Variants in HOOK3 observed in about 807,000 individuals in gnomAD.
HOOK3 encodes protein Hook homolog 3.
In HOOK3, 24 loss-of-function variants were observed where a neutral mutation model predicts 116.3. The observed-to-expected ratio is 0.21, with a 90% confidence interval of 0.15 to 0.29. The LOEUF is 0.29. Ranked by LOEUF, HOOK3 falls within the 10% of genes least tolerant of loss-of-function variation. The pLI is 1.00. For synonymous variants in HOOK3, 275 were observed against 283.0 expected (o/e 0.97, Z 0.28); for missense variants, 632 against 830.2 (o/e 0.76, Z 2.93).
rs550125650 is a variant in HOOK3 at position 42,973,450 on chromosome 8, C to T, written c.1233+51C>T. The T allele has an allele frequency of 2.3e-5, 26 of 1,139,208 alleles. No individual in the cohort carries two copies. The South Asian group carries it at 3.4e-4, about 15-fold the overall frequency. 70.6% of individuals were successfully genotyped at this position (1,139,208 alleles called of 1,614,324 possible). ...GTTTTGAGCACTGCTAAAATTAAGG[C>T]GATTATGTTTAATTCATGTTTGGCC... On this transcript the variant is annotated intron_variant, in intron 12 of 21. Transcript: ENST00000307602.
chr8:42,951,367 A>G (rs1388346507), intron 6 of HOOK3, among the ~76,000 whole-genome samples: 1 of 152,130 alleles, frequency 6.6e-6, no homozygotes, highest in Admixed American at 6.6e-5. Flanking sequence ...CGGCCAAATA[A>G]TATCTATCTT....
At chr8:42,906,314 T>A in intron 2 of HOOK3, 56 bp downstream of exon 2, 1 of 1,242,650 alleles carries the variant, frequency 8.0e-7, no homozygotes, top group Non-Finnish European at 1.2e-6. Context: ...ATTTGTTAGG[T>A]TGAAAACATG....
intron 7 of HOOK3, among the ~76,000 whole-genome samples, chr8:42,958,487 T>C (rs1808475550): frequency 6.6e-6 from 1 of 152,078 alleles, no homozygotes; most frequent in Non-Finnish European, 1.5e-5. Flanking sequence ...AACGGTGCTG[T>C]ACAAAATTAA....
intron 2 of HOOK3, among the ~76,000 whole-genome samples, chr8:42,914,998 C>T (rs1015538302): frequency 2.0e-5 from 3 of 152,074 alleles, no homozygotes; most frequent in Non-Finnish European, 4.4e-5. Context: ...AGAAATTACT[C>T]ATAAAAGTTG....
At chr8:42,906,357 G>C (rs889083706) in intron 2 of HOOK3, 99 bp downstream of exon 2, 1 of 838,810 alleles carries the variant, frequency 1.2e-6, no homozygotes, top group Middle Eastern at 2.4e-4. Flanking sequence ...AACGTGTGTA[G>C]AGTAAGAGTT....
chr8:43,014,513 G>A (rs1488408915), intron 21 of HOOK3, among the ~76,000 whole-genome samples: 5 of 151,690 alleles, frequency 3.3e-5, no homozygotes, highest in East Asian at 4.0e-4. Flanking sequence ...CAGCACGCCC[G>A]AATAATTTTT....
chr8:42,937,704 A>G (rs376803191), intron 4 of HOOK3, among the ~76,000 whole-genome samples: 1 of 152,066 alleles, frequency 6.6e-6, no homozygotes, highest in Non-Finnish European at 1.5e-5. Context: ...GCGGTTTTGA[A>G]TGAGTTTTTA....
intron 2 of HOOK3, among the ~76,000 whole-genome samples, chr8:42,915,801 T>TA (rs1346098120): frequency 6.6e-6 from 1 of 152,308 alleles, no homozygotes; most frequent in African/African-American, 2.4e-5. Flanking sequence ...TGATAACACT[T>TA]ACCATGTTTA....
At chr8:42,903,825 G>A (rs539811237) in intron 1 of HOOK3, among the ~76,000 whole-genome samples, 1 of 151,796 alleles carries the variant, frequency 6.6e-6, no homozygotes, top group East Asian at 2.0e-4. Context: ...GCATGGTAGC[G>A]GGCGCCTGTA....
intron 7 of HOOK3, among the ~76,000 whole-genome samples, chr8:42,958,596 GTTTTTTTTT>G (rs71550434): frequency 1.9e-5 from 2 of 106,370 alleles, no homozygotes; most frequent in Non-Finnish European, 3.9e-5. Flanking sequence ...GTTTTTGATA[GTTTTTTTTT>G]TTTTTTTTTT....
chr8:42,942,822 A>G (rs762335937), intron 4 of HOOK3, among the ~76,000 whole-genome samples: 3 of 152,214 alleles, frequency 2.0e-5, no homozygotes, highest in Non-Finnish European at 4.4e-5. Flanking sequence ...CTGCATATGA[A>G]TCATTTCATG....
rs1222826757 is a variant in HOOK3 at position 43,026,273 on chromosome 8, TTATA to T, written c.*7778_*7781del. 5.1e-6 allele frequency: 1 copy of T among 195,200 alleles called. No individual in the cohort carries two copies. The highest frequency in any genetic ancestry group is 2.3e-5 in the African/African-American group (1 of 43,226). 12.1% of individuals were successfully genotyped at this position (195,200 alleles called of 1,614,324 possible). On this transcript the variant is annotated 3_prime_UTR_variant, in exon 22 of 22. Coordinates refer to ENST00000307602, the MANE Select transcript of HOOK3 (RefSeq NM_032410.4). ...TATTTAGTGTCTTAATATATAGTCT[TTATA>T]TAGTATCTTAATATTATTTACTGTT...
intron 4 of HOOK3, among the ~76,000 whole-genome samples, chr8:42,940,309 G>A (rs894308813): frequency 1.3e-5 from 2 of 152,198 alleles, no homozygotes; most frequent in Non-Finnish European, 2.9e-5. Flanking sequence ...GCGAAACCCC[G>A]TCTCCACCAA....
intron 18 of HOOK3, among the ~76,000 whole-genome samples, chr8:43,008,624 T>G (rs1809539686): frequency 6.6e-6 from 1 of 151,124 alleles, no homozygotes; most frequent in African/African-American, 2.4e-5. Context: ...TGGCCTATAT[T>G]AAATTTTTAT....
intron 1 of HOOK3, among the ~76,000 whole-genome samples, chr8:42,899,321 T>C (rs1586581052): frequency 6.6e-6 from 1 of 152,180 alleles, no homozygotes; most frequent in East Asian, 1.9e-4. Flanking sequence ...TAGAATAGGC[T>C]TTTTGAAATG....
chr8:42,922,608 G>A (rs906324607), intron 2 of HOOK3, among the ~76,000 whole-genome samples: 2 of 151,752 alleles, frequency 1.3e-5, no homozygotes, highest in Non-Finnish European at 2.9e-5. Context: ...CAAGAAAGTG[G>A]AAAAACATGG....
At position 42,972,886 on chromosome 8, in the gene HOOK3, G is replaced by A. The variant is rs111995747; in HGVS notation, c.1123-403G>A. Among the ~76,000 whole-genome samples the A allele has an allele frequency of 3.0e-3, 457 of 152,236 alleles. 8 individuals carry two copies. Among genetic ancestry groups the A allele is most frequent in the African/African-American group, 0.01 (436 of 41,534 alleles). Reference sequence around the variant, plus strand: ...CAGTTGACACCTCATGGTACCCAGAGCATCTGCATGAACTTCTCATTCTGG... The same window carrying A: ...CAGTTGACACCTCATGGTACCCAGAACATCTGCATGAACTTCTCATTCTGG... On this transcript the variant is annotated intron_variant, in intron 11 of 21. Coordinates refer to ENST00000307602, the MANE Select transcript of HOOK3 (RefSeq NM_032410.4).
At chr8:42,961,872 C>T (rs1053491037) in intron 8 of HOOK3, among the ~76,000 whole-genome samples, 2 of 152,054 alleles carry the variant, frequency 1.3e-5, no homozygotes, top group East Asian at 1.9e-4. Flanking sequence ...CTGCAACCTC[C>T]GCCTCCTGGG....
At chr8:42,944,876 C>T (rs531609795) in intron 5 of HOOK3, among the ~76,000 whole-genome samples, 4 of 152,088 alleles carry the variant, frequency 2.6e-5, no homozygotes, top group Non-Finnish European at 4.4e-5. Flanking sequence ...AAAAATTTCT[C>T]GCTAAGCATG....
Sources: allele counts gnomAD v4.1 joint callset (sites outside exome capture counted in the v4.1 genomes callset), GRCh38; gene constraint gnomAD v4.1.1; transcripts MANE v1.5; gene names NCBI Gene and HGNC (gene_info 2026-07-23, HGNC 2026-07-21).